NTRK3: variants seen among roughly 807,000 people sequenced by gnomAD.
NTRK3 encodes neurotrophic receptor tyrosine kinase 3, also known as NT-3 growth factor receptor.
In NTRK3, 24 loss-of-function variants were observed where a neutral mutation model predicts 91.7. That is an observed-to-expected ratio of 0.26 (90% CI 0.19 to 0.37). NTRK3 has a LOEUF of 0.37. NTRK3 is among the 10% of genes least tolerant of loss of function. NTRK3 has a pLI of 1.00. For synonymous variants in NTRK3, 483 were observed against 404.0 expected, an observed-to-expected ratio of 1.20 and a Z score of -2.34; for missense variants, 880 against 1,068.9, an observed-to-expected ratio of 0.82 and a Z score of 2.46.
At chr15:88,010,390 G>A (rs892596762) in intron 14 of NTRK3, among the ~76,000 whole-genome samples, 6 of 152,124 alleles carry the variant, frequency 3.9e-5, no homozygotes, top group Admixed American at 1.3e-4. Flanking sequence ...CATTCTCAAG[G>A]CTCCAACCAC....
exon 10 of NTRK3, chr15:88,135,369 C>A (rs1294127264): frequency 6.2e-7 from 1 of 1,614,096 alleles, no homozygotes; most frequent in African/African-American, 1.3e-5. Context: ...GCAGCTCAGG[C>A]TCCTCCAGGC....
At position 87,898,870 on chromosome 15, in the gene NTRK3, G is replaced by C. The variant is rs1461401467; in HGVS notation, c.2134-18442C>G. ...ATACAAAAATTAGCCAGGTGTGGTG[G>C]CACGCACCTGTAGTCCCAGCTACTT... On this transcript the variant is annotated intron_variant, in intron 17 of 18. Coordinates refer to ENST00000394480, the Ensembl canonical transcript of NTRK3. Among the ~76,000 whole-genome samples the C allele has an allele frequency of 3.3e-5, 5 of 151,632 alleles. No individual in the cohort carries two copies. In the East Asian group the frequency reaches 9.7e-4, roughly 29 times the overall value.
At chr15:88,063,548 T>C (rs2046394256) in intron 13 of NTRK3, among the ~76,000 whole-genome samples, 1 of 152,220 alleles carries the variant, frequency 6.6e-6, no homozygotes, top group Admixed American at 6.5e-5. Flanking sequence ...GTCAGAACTC[T>C]TAGCACTGTA....
chr15:88,041,972 TG>T (rs1419371983), intron 13 of NTRK3, among the ~76,000 whole-genome samples: 1 of 152,102 alleles, frequency 6.6e-6, no homozygotes, highest in Non-Finnish European at 1.5e-5. Flanking sequence ...CACTTAGATC[TG>T]ACTTGGGTAG....
intron 13 of NTRK3, among the ~76,000 whole-genome samples, chr15:88,089,636 CAGA>C (rs1363303586): frequency 6.6e-6 from 1 of 152,176 alleles, no homozygotes; most frequent in African/African-American, 2.4e-5. Flanking sequence ...GGATGAATTC[CAGA>C]AAGATGCTCC....
At chr15:87,911,569 G>C (rs762692869) in intron 17 of NTRK3, among the ~76,000 whole-genome samples, 1 of 152,158 alleles carries the variant, frequency 6.6e-6, no homozygotes, top group Non-Finnish European at 1.5e-5. Context: ...CCACCCTCAG[G>C]TGTCAACTAT....
intron 3 of NTRK3, among the ~76,000 whole-genome samples, chr15:88,187,732 G>C (rs921405883): frequency 6.6e-6 from 1 of 151,980 alleles, no homozygotes; most frequent in African/African-American, 2.4e-5. Flanking sequence ...TCAGGAGTTC[G>C]AGACCAGCCT....
Position 88,184,207 on chromosome 15 carries a change from G to A in NTRK3, c.323+18C>T, listed in dbSNP as rs777412095. On this transcript the variant is annotated intron_variant, in intron 4 of 18. Coordinates refer to ENST00000394480, the Ensembl canonical transcript of NTRK3. ...CCCTTCCACAGGGAAAGGCCTCTCT[G>A]TGGCCGGGTGTACTCACAGCTTTTG... 6.2e-7 allele frequency: 1 copy of A among 1,613,724 alleles called. No individual in the cohort carries two copies. The highest frequency in any genetic ancestry group is 2.2e-5 in the East Asian group (1 of 44,864).
intron 6 of NTRK3, among the ~76,000 whole-genome samples, chr15:88,140,770 T>C (rs1213489951): frequency 1.3e-5 from 2 of 152,200 alleles, no homozygotes; most frequent in Non-Finnish European, 2.9e-5. Context: ...TTCTATTTCA[T>C]TGTCTCCTGA....
intron 3 of NTRK3, among the ~76,000 whole-genome samples, chr15:88,195,221 G>A (rs918736249): frequency 4.6e-5 from 7 of 152,264 alleles, no homozygotes; most frequent in African/African-American, 1.7e-4. Flanking sequence ...GTTGAGAAAT[G>A]ATGCTCTAGA....
chr15:88,034,519 A>C (rs2078897280), intron 13 of NTRK3, among the ~76,000 whole-genome samples: 1 of 152,204 alleles, frequency 6.6e-6, no homozygotes. Flanking sequence ...GGCTTCATAC[A>C]ACTGGCGTTT....
chr15:87,944,934 G>A (rs1415590780), intron 14 of NTRK3, among the ~76,000 whole-genome samples: 1 of 152,230 alleles, frequency 6.6e-6, no homozygotes, highest in African/African-American at 2.4e-5. Flanking sequence ...GTGCTGTTCA[G>A]AGCTGCCTCT....
At chr15:87,912,802 G>A (rs940295605) in intron 17 of NTRK3, among the ~76,000 whole-genome samples, 7 of 151,554 alleles carry the variant, frequency 4.6e-5, no homozygotes, top group Non-Finnish European at 7.4e-5. Flanking sequence ...AAAACAGTTG[G>A]GTGGAGTAAT....
intron 13 of NTRK3, among the ~76,000 whole-genome samples, chr15:88,040,121 G>GC (rs113258898): frequency 0.22 from 33,265 of 152,170 alleles, 6,669 homozygotes; most frequent in African/African-American, 0.54. Context: ...AAGAATGTTA[G>GC]CACAGGTCTT....
At chr15:87,993,234 G>C (rs1031895274) in intron 14 of NTRK3, among the ~76,000 whole-genome samples, 1 of 152,132 alleles carries the variant, frequency 6.6e-6, no homozygotes, top group African/African-American at 2.4e-5. Context: ...AAAGACAAAA[G>C]TCAGAATCTG....
intron 17 of NTRK3, among the ~76,000 whole-genome samples, chr15:87,887,729 T>C (rs2065632577): frequency 6.6e-6 from 1 of 152,152 alleles, no homozygotes; most frequent in African/African-American, 2.4e-5. Flanking sequence ...ATGGTAAAAC[T>C]TAGCCAGACA....
intron 15 of NTRK3, among the ~76,000 whole-genome samples, chr15:87,939,293 T>G (rs577421677): frequency 6.6e-6 from 1 of 152,226 alleles, no homozygotes; most frequent in African/African-American, 2.4e-5. Context: ...CCCTAAGAAG[T>G]GCATTAAGAA....
chr15:88,132,992 C>T (rs1186500494), intron 10 of NTRK3, among the ~76,000 whole-genome samples: 2 of 152,200 alleles, frequency 1.3e-5, no homozygotes, highest in South Asian at 2.1e-4. Context: ...TAGTAGATTG[C>T]AAAGGAGGGA....
intron 7 of NTRK3, among the ~76,000 whole-genome samples, chr15:88,136,933 T>G (rs957130585): frequency 2.0e-5 from 3 of 152,204 alleles, no homozygotes; most frequent in Non-Finnish European, 4.4e-5. Context: ...GTTATCTGAA[T>G]AGTAGTGTTT....
Sources: gnomAD v4.1 joint callset for allele counts (sites outside exome capture counted in the v4.1 genomes callset) on GRCh38, gnomAD v4.1.1 for gene constraint, MANE v1.5 for transcripts, NCBI Gene and HGNC (gene_info 2026-07-23, HGNC 2026-07-21) for gene names.